OR51B5: variants seen among roughly 807,000 people sequenced by gnomAD.
OR51B5 encodes the protein olfactory receptor family 51 subfamily B member 5, also known as olfactory receptor 51B5.
For synonymous variants in OR51B5, 186 were observed against 144.8 expected, an observed-to-expected ratio of 1.28 and a Z score of -2.04; for missense variants, 456 against 374.6, an observed-to-expected ratio of 1.22 and a Z score of -1.79.
intron 1 of OR51B5, among the ~76,000 whole-genome samples, chr11:5,357,724 T>G (rs1359345082): frequency 6.7e-6 from 1 of 150,062 alleles, no homozygotes; most frequent in African/African-American, 2.5e-5. Flanking sequence ...ATTCCAAAAT[T>G]GACCACATAG....
At chr11:5,373,176 G>C (rs995814693) in intron 1 of OR51B5, among the ~76,000 whole-genome samples, 3 of 138,642 alleles carry the variant, frequency 2.2e-5, no homozygotes, top group East Asian at 4.3e-4. Flanking sequence ...ATAGATTAAA[G>C]ACATAAATGT....
chr11:5,363,748 A>G (rs1238840304), intron 1 of OR51B5, among the ~76,000 whole-genome samples: 1 of 152,150 alleles, frequency 6.6e-6, no homozygotes, highest in Non-Finnish European at 1.5e-5. Flanking sequence ...GGAAAGCGGG[A>G]AAGTAGCATT....
At position 5,489,268 on chromosome 11, in the gene OR51B5, G is replaced by GC. The variant is rs571241475; in HGVS notation, n.84+16300dup. On this transcript the variant is annotated intron_variant and non_coding_transcript_variant, in intron 1 of 4. Coordinates refer to the OR51B5 transcript ENST00000415970. ...CACATACTGTGAGCATATGGGCATTGCCCGACTGGCCTGTGCCAACATCAC... is the reference window on the plus strand; with the variant it reads ...CACATACTGTGAGCATATGGGCATTGCCCCGACTGGCCTGTGCCAACATCAC... The GC allele has an allele frequency of 6.3e-4, 1,023 of 1,613,946 alleles. 7 individuals carry two copies. In the African/African-American group the frequency reaches 0.012, roughly 19 times the overall value.
chr11:5,421,957 C>T (rs1850345429), intron 1 of OR51B5, among the ~76,000 whole-genome samples: 1 of 151,986 alleles, frequency 6.6e-6, no homozygotes, highest in Non-Finnish European at 1.5e-5. Flanking sequence ...TTAGAGTTAC[C>T]CATGAATTAA....
chr11:5,500,404 A>ACTCCCACCTGTGAGTG (rs1169032994), intron 1 of OR51B5, among the ~76,000 whole-genome samples: 6 of 121,358 alleles, frequency 4.9e-5, no homozygotes, highest in Non-Finnish European at 9.9e-5. Flanking sequence ...GACAACTGTA[A>ACTCCCACCTGTGAGTG]AATACCAATT....
chr11:5,370,468 T>C (rs1849430844), intron 1 of OR51B5, among the ~76,000 whole-genome samples: 1 of 152,192 alleles, frequency 6.6e-6, no homozygotes, highest in Non-Finnish European at 1.5e-5. Context: ...TCTGTCCAAT[T>C]TGAGGGCAAT....
At chr11:5,474,689 A>T (rs976307060) in intron 1 of OR51B5, among the ~76,000 whole-genome samples, 1 of 152,184 alleles carries the variant, frequency 6.6e-6, no homozygotes, top group Non-Finnish European at 1.5e-5. Context: ...TCTATTTCTC[A>T]TTGGAAATTA....
intron 1 of OR51B5, among the ~76,000 whole-genome samples, chr11:5,482,002 C>A (rs1473160524): frequency 3.3e-5 from 4 of 119,758 alleles, no homozygotes; most frequent in African/African-American, 7.5e-5. Context: ...TTGGAAAAAA[C>A]TACTTTAAAG....
chr11:5,415,540 A>T (rs1850228863), intron 1 of OR51B5, among the ~76,000 whole-genome samples: 1 of 152,170 alleles, frequency 6.6e-6, no homozygotes, highest in Admixed American at 6.5e-5. Context: ...AAGACTAATA[A>T]AGAAAAAAAG....
intron 1 of OR51B5, among the ~76,000 whole-genome samples, chr11:5,448,354 C>G (rs921265592): frequency 6.6e-6 from 1 of 152,270 alleles, no homozygotes; most frequent in South Asian, 2.1e-4. Flanking sequence ...CACTGATAAA[C>G]GTACCTTTCT....
intron 1 of OR51B5, among the ~76,000 whole-genome samples, chr11:5,420,324 T>A (rs1197647830): frequency 1.3e-5 from 2 of 152,096 alleles, no homozygotes. Context: ...ATTTCTCTGT[T>A]ATTTTGAAAG....
chr11:5,432,154 C>T (rs575867036), intron 1 of OR51B5, among the ~76,000 whole-genome samples: 3 of 152,202 alleles, frequency 2.0e-5, no homozygotes, highest in Admixed American at 6.5e-5. Flanking sequence ...TAGCTATTAA[C>T]CAGCCTCTCC....
At chr11:5,502,301 T>A (rs1698032392) in intron 1 of OR51B5, among the ~76,000 whole-genome samples, 1 of 152,140 alleles carries the variant, frequency 6.6e-6, no homozygotes, top group South Asian at 2.1e-4. Context: ...CTTGAAGCAC[T>A]CTCCCTCTCA....
chr11:5,467,776 C>A (rs1025987539), intron 1 of OR51B5, among the ~76,000 whole-genome samples: 1 of 152,232 alleles, frequency 6.6e-6, no homozygotes, highest in South Asian at 2.1e-4. Flanking sequence ...TGCTGCCAAG[C>A]AACCACTGCC....
Position 5,352,313 on chromosome 11 carries a change from T to C in OR51B5, n.85-5403A>G, listed in dbSNP as rs1166756858. On this transcript the variant is annotated intron_variant and non_coding_transcript_variant, in intron 1 of 4. Transcript: ENST00000415970. ...AGGTTTGGAAAGCATGTTCCTCATGTCGTTCACATCACAATGAGCTACATC... is the reference window on the plus strand; with the variant it reads ...AGGTTTGGAAAGCATGTTCCTCATGCCGTTCACATCACAATGAGCTACATC... 5 of 1,613,978 alleles carry C rather than the reference T, an allele frequency of 3.1e-6. No individual in the cohort carries two copies. The African/African-American group carries it at 6.7e-5, about 22-fold the overall frequency.
At chr11:5,432,381 A>T (rs1357010390) in intron 1 of OR51B5, among the ~76,000 whole-genome samples, 1 of 152,218 alleles carries the variant, frequency 6.6e-6, no homozygotes, top group African/African-American at 2.4e-5. Context: ...GCCAGTTACT[A>T]GATGTGTGAT....
chr11:5,453,480 T>C, intron 1 of OR51B5: 1 of 1,508,864 alleles, frequency 6.6e-7, no homozygotes, highest in Non-Finnish European at 8.9e-7. Context: ...ACCCTAAGTT[T>C]GTTTTGCTAT....
intron 1 of OR51B5, among the ~76,000 whole-genome samples, chr11:5,413,689 G>A (rs990365931): frequency 6.6e-6 from 1 of 152,162 alleles, no homozygotes; most frequent in Non-Finnish European, 1.5e-5. Context: ...ATCAGTGATG[G>A]AAGATGAAAT....
At chr11:5,443,488 T>C (rs1850721770) in intron 1 of OR51B5, among the ~76,000 whole-genome samples, 2 of 151,746 alleles carry the variant, frequency 1.3e-5, no homozygotes, top group Non-Finnish European at 2.9e-5. Flanking sequence ...AGAGGTCTTT[T>C]TAGATCTAGC....
Sources: allele counts gnomAD v4.1 joint callset (sites outside exome capture counted in the v4.1 genomes callset), GRCh38; gene constraint gnomAD v4.1.1; transcripts MANE v1.5; gene names NCBI Gene and HGNC (gene_info 2026-07-23, HGNC 2026-07-21).